SRC: variants seen among roughly 807,000 people sequenced by gnomAD.
The protein encoded by SRC is SRC proto-oncogene, non-receptor tyrosine kinase, also known as proto-oncogene tyrosine-protein kinase Src.
In SRC, 13 loss-of-function variants were observed where a neutral mutation model predicts 62.9. The observed-to-expected ratio is 0.21, with a 90% CI of 0.13 to 0.33. SRC has a LOEUF of 0.33. Ranked by LOEUF, SRC falls within the 10% of genes least tolerant of loss-of-function variation. The pLI, the probability that SRC is intolerant of heterozygous loss-of-function variation, is 1.00. For missense variants in SRC, 457 were observed against 737.3 expected, an observed-to-expected ratio of 0.62 and a Z score of 4.40; for synonymous variants, 302 against 317.5, an observed-to-expected ratio of 0.95 and a Z score of 0.52.
chr20:37,373,286 ATT>A (rs2070212841), intron 2 of SRC, among the ~76,000 whole-genome samples: 1 of 144,876 alleles, frequency 6.9e-6, no homozygotes, highest in South Asian at 2.4e-4. Flanking sequence ...ACACACACAT[ATT>A]ACATATGTAC....
intron 2 of SRC, 31 bp downstream of exon 2, chr20:37,365,308 G>A (rs1328912543): frequency 7.3e-6 from 1 of 136,468 alleles, no homozygotes; most frequent in East Asian, 2.2e-4. Context: ...AAAAAGGAAA[G>A]AAAAGACATC....
At chr20:37,374,225 G>A (rs1178366883) in intron 2 of SRC, among the ~76,000 whole-genome samples, 2 of 151,662 alleles carry the variant, frequency 1.3e-5, no homozygotes, top group East Asian at 3.9e-4. Context: ...GACTACAGGT[G>A]CCTGCCACCA....
At chr20:37,379,716 C>T (rs2147027236) in intron 2 of SRC, among the ~76,000 whole-genome samples, 1 of 144,802 alleles carries the variant, frequency 6.9e-6, no homozygotes, top group African/African-American at 2.6e-5. Flanking sequence ...AGAGGAGACT[C>T]TGTCTCAAAA....
intron 1 of SRC, among the ~76,000 whole-genome samples, chr20:37,346,510 G>A (rs1600943690): frequency 6.6e-6 from 1 of 152,008 alleles, no homozygotes; most frequent in Admixed American, 6.5e-5. Context: ...TCCTGGCTGC[G>A]TGGGGACCCC....
At position 37,403,866 on chromosome 20, in the gene SRC, A is replaced by G. The variant is rs2070782294; in HGVS notation, c.*487A>G. 2.0e-5 allele frequency: 5 copies of G among 254,282 alleles called. No homozygotes were observed. The highest frequency in any genetic ancestry group is 1.1e-4 in the African/African-American group (5 of 46,298). 15.8% of individuals were successfully genotyped at this position (254,282 alleles called of 1,614,324 possible). On this transcript the variant is annotated 3_prime_UTR_variant, in exon 14 of 14. Transcript: ENST00000373578. This position sits in a 1 kb window ranked among gnomAD's most constrained non-coding sequence, Gnocchi z 7.1. ...CTGCCCCTTGCCATCCATTCTGGAA[A>G]CACCTGTAGGCAGAGGCTGCCGAGA...
chr20:37,346,413 G>T (rs1420907974), intron 1 of SRC, among the ~76,000 whole-genome samples, 158 bp downstream of exon 1: 3 of 150,898 alleles, frequency 2.0e-5, no homozygotes, highest in Non-Finnish European at 3.0e-5. Context: ...ATACCCAAGC[G>T]CCGGGCGGGC....
rs565982901 is a variant in SRC, at chr20:37,350,412, G to A, written c.-247+4157G>A. Among the ~76,000 whole-genome samples the A allele has an allele frequency of 5.9e-5, 9 of 152,332 alleles. No homozygotes were observed. In the East Asian group the frequency reaches 1.2e-3, roughly 20 times the overall value. On this transcript the variant is annotated intron_variant, in intron 1 of 13. Coordinates refer to ENST00000373578, the MANE Select transcript of SRC (RefSeq NM_198291.3). ...GTCCTGTGATTCAGTTTCTGAAGCT[G>A]TGAAATGGGCCTAGGGCTTGTACCT...
At chr20:37,373,225 TAC>T (rs988810607) in intron 2 of SRC, among the ~76,000 whole-genome samples, 43 of 148,262 alleles carry the variant, frequency 2.9e-4, no homozygotes, top group Admixed American at 2.7e-3. Flanking sequence ...TGTACATACG[TAC>T]ACACATGCAC....
intron 2 of SRC, among the ~76,000 whole-genome samples, chr20:37,368,249 C>T (rs1190802470): frequency 1.3e-5 from 2 of 152,022 alleles, no homozygotes; most frequent in Non-Finnish European, 2.9e-5. Flanking sequence ...GAAACCCCGT[C>T]TCTACTAAAA....
At chr20:37,364,937 C>T (rs982013192) in intron 1 of SRC, among the ~76,000 whole-genome samples, 1 of 152,146 alleles carries the variant, frequency 6.6e-6, no homozygotes, top group Admixed American at 6.5e-5. Flanking sequence ...CGAAGCCCTT[C>T]GCAAATGCTG....
At chr20:37,363,402 C>T (rs966376485) in intron 1 of SRC, among the ~76,000 whole-genome samples, 19 of 152,206 alleles carry the variant, frequency 1.2e-4, no homozygotes, top group African/African-American at 4.3e-4. Flanking sequence ...GGTCCGCCTG[C>T]GCCTCTGCAC....
At chr20:37,375,893 G>A (rs763265072) in intron 2 of SRC, among the ~76,000 whole-genome samples, 2 of 152,160 alleles carry the variant, frequency 1.3e-5, no homozygotes, top group African/African-American at 2.4e-5. Flanking sequence ...GTTTGCAAAC[G>A]GCCACCTTCT....
At chr20:37,382,353 G>C (rs1348478888) in intron 2 of SRC, among the ~76,000 whole-genome samples, 1 of 152,164 alleles carries the variant, frequency 6.6e-6, no homozygotes, top group African/African-American at 2.4e-5. Context: ...CTATTTAGGG[G>C]TAGAGCCAGG....
Position 37,397,965 on chromosome 20 carries a change from C to T in SRC, c.859+111C>T. 7.4e-7 allele frequency: 1 copy of T among 1,349,130 alleles called. No homozygotes were observed. The highest frequency in any genetic ancestry group is 1.5e-5 in the South Asian group (1 of 68,334). The allele number at this position is 1,349,130 out of a possible 1,614,324, so 83.6% of individuals were successfully genotyped here. A position where few individuals can be genotyped will look rare whatever the true frequency, so the allele number is the denominator to read the frequency against. Reference sequence around the variant, plus strand: ...AGCTGCCTCTGCTGGATGACGGGGCCCTGTTGTAAATCTGGAGCTCCCCAG... The same window carrying T: ...AGCTGCCTCTGCTGGATGACGGGGCTCTGTTGTAAATCTGGAGCTCCCCAG... On this transcript the variant is annotated intron_variant, in intron 9 of 13. Coordinates refer to ENST00000373578, the MANE Select transcript of SRC (RefSeq NM_198291.3). The surrounding 1 kb of genome is among the most constrained non-coding windows in gnomAD (Gnocchi z 4.1).
At chr20:37,348,990 G>C (rs115744785) in intron 1 of SRC, among the ~76,000 whole-genome samples, 1 of 151,952 alleles carries the variant, frequency 6.6e-6, no homozygotes, top group Admixed American at 6.6e-5. Flanking sequence ...AAGGGGAGTG[G>C]GTAAGAGGTA....
At chr20:37,353,740 G>C (rs1241709589) in intron 1 of SRC, among the ~76,000 whole-genome samples, 1 of 152,134 alleles carries the variant, frequency 6.6e-6, no homozygotes, top group Admixed American at 6.5e-5. Flanking sequence ...GGCATGCCAG[G>C]CCTGCCCCGC....
intron 5 of SRC, among the ~76,000 whole-genome samples, chr20:37,391,682 C>T (rs1230126380): frequency 2.0e-5 from 3 of 152,032 alleles, no homozygotes; most frequent in Non-Finnish European, 4.4e-5. Context: ...GGTGAAACCC[C>T]GTCTCTACTA....
At chr20:37,373,353 CAT>C (rs541929412) in intron 2 of SRC, among the ~76,000 whole-genome samples, 1 of 150,788 alleles carries the variant, frequency 6.6e-6, no homozygotes, top group African/African-American at 2.5e-5. Context: ...CACATATGTA[CAT>C]ATATACACAT....
At chr20:37,377,635 A>AGCT (rs1430808385) in intron 2 of SRC, among the ~76,000 whole-genome samples, 1 of 152,220 alleles carries the variant, frequency 6.6e-6, no homozygotes, top group Non-Finnish European at 1.5e-5. Flanking sequence ...CAGCACCACC[A>AGCT]GCTGCAGGGC....
Sources: allele counts gnomAD v4.1 joint callset (sites outside exome capture counted in the v4.1 genomes callset), GRCh38; gene constraint gnomAD v4.1.1; non-coding constraint Gnocchi (gnomAD v3.1); transcripts MANE v1.5; gene names NCBI Gene and HGNC (gene_info 2026-07-23, HGNC 2026-07-21).